The following SH3D19 variants were observed in gnomAD, a reference collection of about 807,000 sequenced individuals.
The protein encoded by SH3D19 is SH3 domain-containing protein 19.
SH3D19 carries 58 observed loss-of-function variants against 112.1 expected under a neutral mutation model. The ratio of observed to expected loss-of-function variants is 0.52; its 90% CI spans 0.42 to 0.64. SH3D19 has a LOEUF of 0.64. SH3D19 is among the 30% of genes least tolerant of loss of function. The pLI, the probability that SH3D19 is intolerant of heterozygous loss-of-function variation, is 0.00. For synonymous variants in SH3D19, 391 were observed against 448.5 expected (o/e 0.87, Z 1.62); for missense variants, 1,090 against 1,263.4 (o/e 0.86, Z 2.08).
chr4:151,155,903 T>C (rs898971580), intron 9 of SH3D19, among the ~76,000 whole-genome samples: 6 of 151,874 alleles, frequency 4.0e-5, no homozygotes, highest in African/African-American at 1.5e-4. Context: ...AAAGAAGTGA[T>C]CTCATATCTA....
rs151253862 is a variant in SH3D19, at chr4:151,264,509, T to G, written c.113-38423A>C. 2.1e-3 allele frequency among the ~76,000 whole-genome samples: 314 copies of G among 151,386 alleles called. 1 individual carries two copies. The highest frequency in any genetic ancestry group is 7.1e-3 in the African/African-American group (293 of 41,252). ...TAGTATTCTATTCTTTAGTAGTAAG[T>G]CAACAAGGTGTGAATATCAGGAGCT... On this transcript the variant is annotated intron_variant, in intron 1 of 19. Coordinates refer to ENST00000604030, the MANE Select transcript of SH3D19 (RefSeq NM_001378122.1).
At chr4:151,185,785 C>T (rs1256306114) in intron 3 of SH3D19, among the ~76,000 whole-genome samples, 3 of 152,202 alleles carry the variant, frequency 2.0e-5, no homozygotes, top group African/African-American at 4.8e-5. Context: ...GTGGCTCACA[C>T]CTGTAATCCT....
In SH3D19 at chr4:151,163,290, C is replaced by A. The variant is rs1457692164; in HGVS notation, c.1642+2299G>T. On this transcript the variant is annotated intron_variant, in intron 8 of 19. Coordinates refer to ENST00000604030, the MANE Select transcript of SH3D19 (RefSeq NM_001378122.1). ...CCATACATACAACTATCTGTTGAGT[C>A]CTGTGAGTCCTCCTAGTGAATCATC... Among the ~76,000 whole-genome samples, 6 of 152,170 alleles carry A rather than the reference C, an allele frequency of 3.9e-5. No individual in the cohort carries two copies. The South Asian group carries it at 1.2e-3, about 32-fold the overall frequency.
intron 1 of SH3D19, among the ~76,000 whole-genome samples, chr4:151,309,128 C>T (rs993437262): frequency 7.9e-5 from 12 of 152,242 alleles, no homozygotes; most frequent in African/African-American, 2.9e-4. Flanking sequence ...CTTGGTGTCC[C>T]AAAGTACTGG....
intron 1 of SH3D19, among the ~76,000 whole-genome samples, chr4:151,287,262 AC>A (rs1309457098): frequency 6.7e-6 from 1 of 148,636 alleles, no homozygotes; most frequent in Non-Finnish European, 1.5e-5. Context: ...AATCACTTGA[AC>A]CCGGGAGGCA....
chr4:151,175,951 G>A (rs1759892418), intron 6 of SH3D19, among the ~76,000 whole-genome samples: 1 of 151,764 alleles, frequency 6.6e-6, no homozygotes, highest in Admixed American at 6.6e-5. Flanking sequence ...GCTCACTGCA[G>A]CCTCACCCTC....
At chr4:151,214,324 C>A (rs1260935108) in intron 2 of SH3D19, among the ~76,000 whole-genome samples, 10 of 149,588 alleles carry the variant, frequency 6.7e-5, no homozygotes, top group African/African-American at 2.4e-4. Flanking sequence ...CACCTTTCCC[C>A]GCTTTCTATT....
intron 1 of SH3D19, among the ~76,000 whole-genome samples, chr4:151,267,073 C>T (rs1772839538): frequency 6.6e-6 from 1 of 151,212 alleles, no homozygotes. Flanking sequence ...AATCCCAGCA[C>T]TTCTGGAGGC....
At chr4:151,198,046 C>T (rs1049900166) in intron 2 of SH3D19, among the ~76,000 whole-genome samples, 1 of 151,938 alleles carries the variant, frequency 6.6e-6, no homozygotes, top group Admixed American at 6.6e-5. Flanking sequence ...TGGCTCATGC[C>T]TGTAATCCCA....
intron 1 of SH3D19, among the ~76,000 whole-genome samples, chr4:151,303,707 C>T (rs1317468500): frequency 6.6e-6 from 1 of 152,172 alleles, no homozygotes; most frequent in East Asian, 1.9e-4. Flanking sequence ...GTTCCCCTGG[C>T]CAGATATCCC....
chr4:151,170,957 T>G (rs551520789), intron 7 of SH3D19, among the ~76,000 whole-genome samples: 1 of 152,322 alleles, frequency 6.6e-6, no homozygotes, highest in East Asian at 1.9e-4. Context: ...ATAAAAAGTA[T>G]CCTGTATCTT....
chr4:151,166,709 A>T (rs1247002738), intron 7 of SH3D19, among the ~76,000 whole-genome samples: 2 of 152,202 alleles, frequency 1.3e-5, no homozygotes, highest in African/African-American at 4.8e-5. Flanking sequence ...TGCACTCCAT[A>T]GCTCCTGTGA....
chr4:151,242,172 G>C (rs1024553006), intron 1 of SH3D19, among the ~76,000 whole-genome samples: 1 of 152,030 alleles, frequency 6.6e-6, no homozygotes, highest in Non-Finnish European at 1.5e-5. Flanking sequence ...GCAACAGAGT[G>C]AGACCCTGTC....
At chr4:151,223,209 A>G (rs1768400189) in intron 2 of SH3D19, among the ~76,000 whole-genome samples, 1 of 151,298 alleles carries the variant, frequency 6.6e-6, no homozygotes, top group Non-Finnish European at 1.5e-5. Context: ...TTTTTTTTCA[A>G]CAGCAGCTGG....
intron 8 of SH3D19, among the ~76,000 whole-genome samples, chr4:151,160,308 C>T (rs1756930144): frequency 6.6e-6 from 1 of 152,030 alleles, no homozygotes; most frequent in Non-Finnish European, 1.5e-5. Context: ...AGGATGGTCT[C>T]GATCTCCTGA....
chr4:151,267,258 C>T (rs1561414829), intron 1 of SH3D19, among the ~76,000 whole-genome samples: 1 of 151,810 alleles, frequency 6.6e-6, no homozygotes, highest in Non-Finnish European at 1.5e-5. Flanking sequence ...TTGATTAAGC[C>T]TGGGAGGTCA....
At chr4:151,251,429 A>T (rs948072508) in intron 1 of SH3D19, among the ~76,000 whole-genome samples, 15 of 152,036 alleles carry the variant, frequency 9.9e-5, no homozygotes, top group Non-Finnish European at 2.2e-4. Flanking sequence ...CGAACTCCTG[A>T]TCACAAGCAA....
At chr4:151,315,426 G>A (rs773983460) in intron 1 of SH3D19, among the ~76,000 whole-genome samples, 1 of 152,176 alleles carries the variant, frequency 6.6e-6, no homozygotes, top group Non-Finnish European at 1.5e-5. Flanking sequence ...TGTACCTGCT[G>A]ACAGAGGACT....
chr4:151,214,455 G>A (rs1194354434), intron 2 of SH3D19, among the ~76,000 whole-genome samples: 6 of 13,618 alleles, frequency 4.4e-4, no homozygotes, highest in African/African-American at 5.0e-4. Context: ...CTGGCCGGGC[G>A]GGGGGCTGAC....
Sources: gnomAD v4.1 joint callset for allele counts (sites outside exome capture counted in the v4.1 genomes callset) on GRCh38, gnomAD v4.1.1 for gene constraint, MANE v1.5 for transcripts, NCBI Gene and HGNC (gene_info 2026-07-23, HGNC 2026-07-21) for gene names.